Variants in USP9X observed in about 807,000 individuals in gnomAD.
The protein encoded by USP9X is ubiquitin carboxyl-terminal hydrolase 9X.
USP9X carries 7 observed loss-of-function variants against 190.3 expected under a neutral mutation model. That is an observed-to-expected ratio of 0.04 (90% confidence interval 0.02 to 0.07). The LOEUF is 0.07. USP9X is among the 10% of genes least tolerant of loss of function. The pLI is 1.00. For missense variants in USP9X, 1,010 were observed against 1,916.9 expected, an observed-to-expected ratio of 0.53 and a Z score of 8.83; for synonymous variants, 645 against 659.5, an observed-to-expected ratio of 0.98 and a Z score of 0.34.
At chrX:41,086,905 G>A (rs2061917755) in intron 1 of USP9X, among the ~76,000 whole-genome samples, 1 of 112,709 alleles carries the variant, frequency 8.9e-6, no homozygotes, top group Admixed American at 9.3e-5. Context: ...TTGGATAAAT[G>A]GCTGATTTTT....
At chrX:41,207,088 T>C (rs2063106302) in intron 32 of USP9X, among the ~76,000 whole-genome samples, 1 of 84,124 alleles carries the variant, frequency 1.2e-5, no homozygotes, top group African/African-American at 4.5e-5. Context: ...CCTTTTTTTT[T>C]TTTTTTTTTT....
At chrX:41,159,335 T>C (rs2062607137) in intron 14 of USP9X, among the ~76,000 whole-genome samples, 1 of 111,416 alleles carries the variant, frequency 9.0e-6, no homozygotes, top group African/African-American at 3.3e-5. Context: ...AGCATTCATA[T>C]AGTCCTTGTG....
chrX:41,192,785 A>G (rs1224698238), intron 26 of USP9X, among the ~76,000 whole-genome samples: 1 of 111,560 alleles, frequency 9.0e-6, no homozygotes, highest in East Asian at 2.8e-4. Flanking sequence ...TTAGCCTTCT[A>G]GGAGCTTACA....
chrX:41,098,197 G>C lies in USP9X; in HGVS notation c.-159+12088G>C, dbSNP rs776144967. ...GCTCTGTTGCCCAGGCTGGAGTGCA[G>C]TGGTGTGATCTTGGCTCACTGCAGC... On this transcript the variant is annotated intron_variant, in intron 1 of 44. Transcript: ENST00000378308. Among the ~76,000 whole-genome samples, 3 of 104,871 alleles carry C rather than the reference G, an allele frequency of 2.9e-5. No individual in the cohort carries two copies. The South Asian group carries it at 1.3e-3, about 47-fold the overall frequency. 91.1% of individuals were successfully genotyped at this position (104,871 alleles called of 115,157 possible). A position where few individuals can be genotyped will look rare whatever the true frequency, so the allele number is the denominator to read the frequency against.
chrX:41,111,844 ATTTT>A (rs11349809), intron 1 of USP9X, among the ~76,000 whole-genome samples: 1 of 87,263 alleles, frequency 1.1e-5, no homozygotes, highest in Non-Finnish European at 2.2e-5. Flanking sequence ...GTCTTTGAAG[ATTTT>A]TTTTTTTTTT....
intron 1 of USP9X, among the ~76,000 whole-genome samples, chrX:41,097,780 C>T (rs995081104): frequency 4.5e-5 from 5 of 111,236 alleles, no homozygotes; most frequent in African/African-American, 1.6e-4. Context: ...GGAAGAACTC[C>T]ATAGTACACT....
chrX:41,163,325 TA>T (rs2062649541), intron 15 of USP9X, among the ~76,000 whole-genome samples: 1 of 111,529 alleles, frequency 9.0e-6, no homozygotes, highest in Non-Finnish European at 1.9e-5. Context: ...AGTCATGTGT[TA>T]ATAATATCAT....
At chrX:41,138,866 A>G (rs2062398069) in intron 6 of USP9X, among the ~76,000 whole-genome samples, 1 of 113,092 alleles carries the variant, frequency 8.8e-6, no homozygotes, top group Non-Finnish European at 1.9e-5. Flanking sequence ...ATTGTAAGCT[A>G]TGTGGTCATT....
rs759764009 is a variant in USP9X, at chrX:41,175,916, G to C, written c.3148+3958G>C. Among the ~76,000 whole-genome samples, 146 of 106,804 alleles carry C rather than the reference G, an allele frequency of 1.4e-3. 1 individual carries two copies. Among genetic ancestry groups the C allele is most frequent in the Middle Eastern group, 9.4e-3 (2 of 213 alleles). 92.7% of individuals were successfully genotyped at this position (106,804 alleles called of 115,157 possible). A position where few individuals can be genotyped will look rare whatever the true frequency, so the allele number is the denominator to read the frequency against. The stretch of plus-strand genomic sequence containing the variant: ...TGTAATTTTTTTTTTTTTTGAGACA[G>C]AGTCTCGCCCTGTCACCCAGGCTGG... On this transcript the variant is annotated intron_variant, in intron 21 of 44. Coordinates refer to ENST00000378308, the MANE Select transcript of USP9X (RefSeq NM_001039591.3).
Position 41,230,569 on chromosome X carries a change from C to T in USP9X, c.7500C>T (p.Pro2500=). ...SPPPEDAPLY[P]HSPGSQYQQN... ...CACCTGAAGATGCCCCATTGTACCC[C>T]CATTCACCTGGATCTCAGTATCAAC... The change falls in exon 44 of 45, where the codon CCC becomes CCT. Residue 2500 remains proline, a synonymous_variant. Transcript: ENST00000378308. 1 of 1,210,443 alleles carries T rather than the reference C, an allele frequency of 8.3e-7. No individual in the cohort carries two copies. Among genetic ancestry groups the T allele is most frequent in the Non-Finnish European group, 1.1e-6 (1 of 894,726 alleles).
At chrX:41,124,984 G>A (rs1282364428) in intron 2 of USP9X, among the ~76,000 whole-genome samples, 1 of 112,171 alleles carries the variant, frequency 8.9e-6, no homozygotes, top group African/African-American at 3.2e-5. Context: ...GAATTTATGC[G>A]AAGTTTATTA....
intron 40 of USP9X, 27 bp from the exon 41 acceptor site, chrX:41,225,022 T>C: frequency 8.3e-7 from 1 of 1,208,508 alleles, no homozygotes; most frequent in Non-Finnish European, 1.1e-6. Context: ...TTCATTAAGT[T>C]ACTCACCATG....
In USP9X at chrX:41,230,538, C is replaced by T; in HGVS notation, c.7469C>T (p.Ser2490Leu). The change falls in exon 44 of 45, where the codon TCG (serine) becomes TTG (leucine). Residue 2490 changes from serine (S) to leucine (L), a missense_variant. This residue lies in a region of USP9X where 48 missense variants were observed against 60.4 expected (regional missense o/e 0.79). Transcript: ENST00000378308. ...DDQDAPDEHE[S>L]PPPEDAPLYP... ...CAAGATGCTCCAGATGAACATGAGT[C>T]GCCTCCACCTGAAGATGCCCCATTG... 1 of 1,210,747 alleles carries T rather than the reference C, an allele frequency of 8.3e-7. No individual in the cohort carries two copies. Among genetic ancestry groups the T allele is most frequent in the Non-Finnish European group, 1.1e-6 (1 of 895,080 alleles).
At chrX:41,188,189 T>G (rs1468800848) in intron 25 of USP9X, 72 bp downstream of exon 25, 7 of 1,003,569 alleles carry the variant, frequency 7.0e-6, no homozygotes, top group Non-Finnish European at 9.3e-6. Context: ...TTGATTTTTA[T>G]TAGCTTTGCT....
At chrX:41,134,662 G>T in intron 4 of USP9X, 63 bp from the exon 5 acceptor site, 1 of 971,332 alleles carries the variant, frequency 1.0e-6, no homozygotes, top group Non-Finnish European at 1.5e-6. Context: ...ATTGTATATT[G>T]GACAATGTAA....
chrX:41,131,930 T>A (rs1348919969), intron 4 of USP9X, among the ~76,000 whole-genome samples: 1 of 111,664 alleles, frequency 9.0e-6, no homozygotes, highest in Non-Finnish European at 1.9e-5. Context: ...CTTGTAATTA[T>A]CTTGAGTCAT....
chrX:41,158,236 A>G lies in USP9X; in HGVS notation c.1898-4554A>G, dbSNP rs137910809. 8.4e-3 allele frequency among the ~76,000 whole-genome samples: 941 copies of G among 111,725 alleles called. 6 individuals carry two copies. Among genetic ancestry groups the G allele is most frequent in the Non-Finnish European group, 0.013 (690 of 53,132 alleles). Reference sequence around the variant, plus strand: ...GAAAACGTCTCTAATTTGATGGCAGACAAGAAGCTTAAAAAAGAATTGCAA... The same window carrying G: ...GAAAACGTCTCTAATTTGATGGCAGGCAAGAAGCTTAAAAAAGAATTGCAA... On this transcript the variant is annotated intron_variant, in intron 14 of 44. Transcript: ENST00000378308.
intron 21 of USP9X, among the ~76,000 whole-genome samples, chrX:41,173,459 A>G (rs1243856730): frequency 8.9e-6 from 1 of 112,095 alleles, no homozygotes; most frequent in Non-Finnish European, 1.9e-5. Context: ...AATACTTACA[A>G]TCTTACAGAA....
chrX:41,125,807 A>G (rs1048931281), intron 2 of USP9X, among the ~76,000 whole-genome samples: 14 of 110,286 alleles, frequency 1.3e-4, no homozygotes, highest in Middle Eastern at 4.7e-3. Flanking sequence ...CTTGAAATGG[A>G]AATTTAGATA....
Sources: gnomAD v4.1 joint callset for allele counts (sites outside exome capture counted in the v4.1 genomes callset) on GRCh38, gnomAD v4.1.1 for gene constraint, gnomAD v4.1.1 regional missense constraint, MANE v1.5 for transcripts, NCBI Gene and HGNC (gene_info 2026-07-23, HGNC 2026-07-21) for gene names.